The following VPS35L variants were observed in gnomAD, a reference collection of about 807,000 sequenced individuals.
VPS35L encodes VPS35 endosomal protein-sorting factor-like.
VPS35L carries 83 observed loss-of-function variants against 133.0 expected under a neutral mutation model. The ratio of observed to expected loss-of-function variants is 0.62; its 90% CI spans 0.52 to 0.75. The LOEUF (loss-of-function observed/expected upper bound fraction) is 0.75, where lower values mean the gene tolerates loss of function less well. Among genes scored for constraint, VPS35L ranks in the 30% least tolerant of loss-of-function variants. The pLI is 0.00. For missense variants in VPS35L, 1,083 were observed against 1,206.8 expected (o/e 0.90, Z 1.52); for synonymous variants, 423 against 449.9 (o/e 0.94, Z 0.76).
chr16:19,575,219 T>C (rs1361541591), intron 5 of VPS35L, 97 bp downstream of exon 5: 7 of 1,145,120 alleles, frequency 6.1e-6, no homozygotes, highest in Non-Finnish European at 9.0e-6. Context: ...ATGATTCTGA[T>C]GTTTGATTCA....
At chr16:19,590,523 C>A (rs1972012224) in intron 7 of VPS35L, among the ~76,000 whole-genome samples, 1 of 152,068 alleles carries the variant, frequency 6.6e-6, no homozygotes, top group African/African-American at 2.4e-5. Flanking sequence ...TTTAGTTCTT[C>A]AAAGTAGAAA....
intron 1 of VPS35L, among the ~76,000 whole-genome samples, chr16:19,557,313 C>G (rs1262850851): frequency 6.6e-6 from 1 of 152,202 alleles, no homozygotes; most frequent in Non-Finnish European, 1.5e-5. Flanking sequence ...TTTTATATTA[C>G]AAGCAGGCAA....
chr16:19,603,500 A>C (rs986341566), intron 9 of VPS35L, among the ~76,000 whole-genome samples: 5 of 152,190 alleles, frequency 3.3e-5, no homozygotes, highest in Non-Finnish European at 5.9e-5. Flanking sequence ...ACATGATTAA[A>C]ATTAATTTCC....
chr16:19,621,986 G>A (rs753376716), intron 14 of VPS35L, among the ~76,000 whole-genome samples: 4 of 151,986 alleles, frequency 2.6e-5, no homozygotes, highest in African/African-American at 4.8e-5. Flanking sequence ...GTGCATGTGT[G>A]TGTGCACGTG....
chr16:19,655,183 C>G (rs1974258738), intron 26 of VPS35L, among the ~76,000 whole-genome samples: 1 of 152,210 alleles, frequency 6.6e-6, no homozygotes, highest in Non-Finnish European at 1.5e-5. Flanking sequence ...TCTGTCTCCC[C>G]TGTCACTTTT....
At chr16:19,692,240 C>T (rs1359619835) in intron 29 of VPS35L, among the ~76,000 whole-genome samples, 4 of 152,104 alleles carry the variant, frequency 2.6e-5, no homozygotes, top group East Asian at 1.9e-4. Context: ...CTGGGACACC[C>T]GGTAACTCTC....
intron 6 of VPS35L, among the ~76,000 whole-genome samples, chr16:19,580,583 G>A (rs1247709995): frequency 2.0e-5 from 3 of 152,020 alleles, no homozygotes; most frequent in Non-Finnish European, 4.4e-5. Flanking sequence ...TGTGCGTCAG[G>A]GACCGTGCCA....
intron 3 of VPS35L, among the ~76,000 whole-genome samples, chr16:19,570,881 A>ATT (rs1567388851): frequency 1.1e-4 from 7 of 64,304 alleles, no homozygotes; most frequent in African/African-American, 5.6e-4. Flanking sequence ...ATATATATAT[A>ATT]TATATATATT....
intron 4 of VPS35L, among the ~76,000 whole-genome samples, chr16:19,574,886 C>G (rs1325155567): frequency 6.6e-6 from 1 of 152,178 alleles, no homozygotes; most frequent in Non-Finnish European, 1.5e-5. Flanking sequence ...TTATGTGACT[C>G]CGCTGTCATA....
At chr16:19,620,501 C>T (rs1016116000) in intron 14 of VPS35L, among the ~76,000 whole-genome samples, 4 of 151,750 alleles carry the variant, frequency 2.6e-5, no homozygotes, top group African/African-American at 7.3e-5. Flanking sequence ...CAATTACTGA[C>T]GAGTCTATAA....
intron 22 of VPS35L, 76 bp downstream of exon 22, chr16:19,642,552 G>T: frequency 8.5e-7 from 1 of 1,179,944 alleles, no homozygotes; most frequent in Non-Finnish European, 1.2e-6. Flanking sequence ...GGGAATGACT[G>T]CTTTAAGCTG....
chr16:19,630,191 CT>C (rs1389611802), intron 18 of VPS35L, among the ~76,000 whole-genome samples: 1 of 152,030 alleles, frequency 6.6e-6, no homozygotes, highest in African/African-American at 2.4e-5. Context: ...GCAAATATTT[CT>C]TTCCCTAGGC....
rs34264684 is a variant in VPS35L, at chr16:19,625,074, T to TAAA, written c.1225-1093_1225-1091dup. On this transcript the variant is annotated intron_variant, in intron 14 of 30. Coordinates refer to ENST00000417362, the MANE Select transcript of VPS35L (RefSeq NM_020314.7). ...AGCCATTAACAGTATTCCAATGAGT[T>TAAA]AAAAAAAAAAAATCTGCTTCCTTTG... Among the ~76,000 whole-genome samples the TAAA allele has an allele frequency of 4.8e-3, 710 of 148,560 alleles. 2 individuals are homozygous for TAAA. Among genetic ancestry groups the TAAA allele is most frequent in the Non-Finnish European group, 8.4e-3 (561 of 67,022 alleles).
At chr16:19,579,257 C>G in intron 6 of VPS35L, 129 bp downstream of exon 6, 7 of 802,454 alleles carry the variant, frequency 8.7e-6, no homozygotes, top group Non-Finnish European at 1.4e-5. Flanking sequence ...CCTCTCGAGG[C>G]AATGACTCCA....
At chr16:19,680,422 C>T (rs771656422) in intron 27 of VPS35L, among the ~76,000 whole-genome samples, 3 of 152,076 alleles carry the variant, frequency 2.0e-5, no homozygotes, top group South Asian at 2.1e-4. Flanking sequence ...TTCCTGGAGG[C>T]GCCATTAACA....
chr16:19,623,688 C>T lies in VPS35L; in HGVS notation c.1225-2489C>T, dbSNP rs186802550. ...GGTGGAATTGCACTTAAGAACCCTC[C>T]TTTTATTTTTTTACTTTGGGTCCAG... On this transcript the variant is annotated intron_variant, in intron 14 of 30. Coordinates refer to ENST00000417362, the MANE Select transcript of VPS35L (RefSeq NM_020314.7). Among the ~76,000 whole-genome samples the T allele has an allele frequency of 4.0e-5, 6 of 150,722 alleles. No individual in the cohort carries two copies. In the East Asian group the frequency reaches 1.2e-3, roughly 29 times the overall value.
chr16:19,694,999 C>CT (rs1226192693), intron 29 of VPS35L, among the ~76,000 whole-genome samples: 3 of 145,686 alleles, frequency 2.1e-5, no homozygotes, highest in African/African-American at 7.8e-5. Context: ...GAACGAGACT[C>CT]TGTTTCAGAA....
At chr16:19,576,412 A>G (rs1971539531) in intron 5 of VPS35L, among the ~76,000 whole-genome samples, 1 of 152,070 alleles carries the variant, frequency 6.6e-6, no homozygotes, top group Non-Finnish European at 1.5e-5. Context: ...TTCCTCTCCT[A>G]AGACACACAG....
At chr16:19,653,681 C>T (rs1974206024) in intron 26 of VPS35L, among the ~76,000 whole-genome samples, 1 of 152,226 alleles carries the variant, frequency 6.6e-6, no homozygotes, top group Non-Finnish European at 1.5e-5. Context: ...CACAACTGCA[C>T]AGATTATGCC....
Sources: allele counts gnomAD v4.1 joint callset (sites outside exome capture counted in the v4.1 genomes callset), GRCh38; gene constraint gnomAD v4.1.1; transcripts MANE v1.5; gene names NCBI Gene and HGNC (gene_info 2026-07-23, HGNC 2026-07-21).